GRIA1: variants seen among roughly 807,000 people sequenced by gnomAD.
GRIA1 encodes glutamate ionotropic receptor AMPA type subunit 1, also known as glutamate receptor 1.
Under a neutral mutation model 99.2 loss-of-function variants are expected in GRIA1, and 31 were observed. That is an observed-to-expected ratio of 0.31 (90% confidence interval 0.23 to 0.42). The LOEUF is 0.42. Among genes scored for constraint, GRIA1 ranks in the 10% least tolerant of loss-of-function variants. The pLI is 1.00. For missense variants in GRIA1, 782 were observed against 1,157.5 expected, an observed-to-expected ratio of 0.68 and a Z score of 4.71; for synonymous variants, 438 against 432.4, an observed-to-expected ratio of 1.01 and a Z score of -0.16.
intron 14 of GRIA1, among the ~76,000 whole-genome samples, chr5:153,796,113 T>C (rs866852880): frequency 2.0e-5 from 3 of 151,824 alleles, no homozygotes; most frequent in African/African-American, 7.3e-5. Flanking sequence ...CAAGGGCCAT[T>C]GAATTGGCCT....
chr5:153,589,579 T>C (rs554330929), intron 2 of GRIA1, among the ~76,000 whole-genome samples: 20 of 152,276 alleles, frequency 1.3e-4, no homozygotes, highest in African/African-American at 4.3e-4. Context: ...ATGTGCTCGC[T>C]TGTTTGTCTG....
chr5:153,722,964 T>C (rs1178312547), intron 11 of GRIA1, among the ~76,000 whole-genome samples: 1 of 152,162 alleles, frequency 6.6e-6, no homozygotes, highest in Non-Finnish European at 1.5e-5. Flanking sequence ...TGGGTAAAGC[T>C]CAGGATCAGG....
chr5:153,593,370 G>A (rs1358977271), intron 2 of GRIA1, among the ~76,000 whole-genome samples: 1 of 152,050 alleles, frequency 6.6e-6, no homozygotes, highest in African/African-American at 2.4e-5. Context: ...TTTGTGTAGG[G>A]GGCACAAACA....
chr5:153,623,219 T>G (rs1310108403), intron 2 of GRIA1, among the ~76,000 whole-genome samples: 1 of 151,874 alleles, frequency 6.6e-6, no homozygotes, highest in African/African-American at 2.4e-5. Context: ...TGGGCTCAAT[T>G]GGAAAAAAAA....
intron 2 of GRIA1, among the ~76,000 whole-genome samples, chr5:153,626,814 G>A (rs115617551): frequency 0.024 from 3,728 of 152,228 alleles, 63 homozygotes; most frequent in Non-Finnish European, 0.037. Flanking sequence ...AAGGGATGCA[G>A]CGTGGTTAAA....
intron 5 of GRIA1, among the ~76,000 whole-genome samples, chr5:153,673,050 A>G (rs1339102574): frequency 6.6e-6 from 1 of 152,176 alleles, no homozygotes; most frequent in Admixed American, 6.5e-5. Flanking sequence ...ACAAGGCTCT[A>G]TGTGACCAGC....
chr5:153,500,363 A>G (rs1007005499), intron 2 of GRIA1, among the ~76,000 whole-genome samples: 2 of 152,182 alleles, frequency 1.3e-5, no homozygotes, highest in Non-Finnish European at 2.9e-5. Flanking sequence ...CTTTGTAGAC[A>G]GCATTAGTTG....
At chr5:153,523,302 T>C (rs1757314906) in intron 2 of GRIA1, among the ~76,000 whole-genome samples, 1 of 152,208 alleles carries the variant, frequency 6.6e-6, no homozygotes, top group African/African-American at 2.4e-5. Flanking sequence ...CTTGATATTC[T>C]TCATTCTTAT....
intron 11 of GRIA1, among the ~76,000 whole-genome samples, chr5:153,711,431 A>G (rs1322011311): frequency 2.0e-5 from 3 of 152,144 alleles, no homozygotes; most frequent in African/African-American, 7.2e-5. Flanking sequence ...GATTGGATCT[A>G]TGAGGATGAG....
intron 6 of GRIA1, among the ~76,000 whole-genome samples, chr5:153,675,289 T>C (rs1756491033): frequency 6.6e-6 from 1 of 152,050 alleles, no homozygotes; most frequent in Admixed American, 6.5e-5. Flanking sequence ...GCCCTTATTC[T>C]GCTCAGCCAT....
At chr5:153,639,741 C>A (rs1303075516) in intron 2 of GRIA1, among the ~76,000 whole-genome samples, 2 of 152,324 alleles carry the variant, frequency 1.3e-5, no homozygotes, top group East Asian at 1.9e-4. Context: ...ATACCCCTAG[C>A]ACCAGCTTGC....
chr5:153,684,001 A>G (rs914288777), intron 7 of GRIA1, among the ~76,000 whole-genome samples: 1 of 152,210 alleles, frequency 6.6e-6, no homozygotes, highest in Non-Finnish European at 1.5e-5. Flanking sequence ...GAAGCCTAGC[A>G]CAATAGCACT....
intron 12 of GRIA1, among the ~76,000 whole-genome samples, chr5:153,768,012 C>T (rs936810854): frequency 6.6e-6 from 1 of 152,188 alleles, no homozygotes; most frequent in African/African-American, 2.4e-5. Flanking sequence ...CTCTGCCTGT[C>T]AACAGCCCAG....
chr5:153,494,113 T>A (rs1241978041), intron 2 of GRIA1, 48 bp downstream of exon 2: 7 of 1,587,034 alleles, frequency 4.4e-6, no homozygotes, highest in Non-Finnish European at 5.2e-6. Context: ...GCTAGACCAA[T>A]GAAAGGAGGG....
intron 4 of GRIA1, among the ~76,000 whole-genome samples, chr5:153,651,445 AT>A (rs1754569919): frequency 1.3e-5 from 2 of 151,920 alleles, no homozygotes; most frequent in South Asian, 4.1e-4. Flanking sequence ...AATTAGCAGG[AT>A]TTTTTGTAGA....
At chr5:153,747,120 AAAGAG>A (rs1762209611) in intron 11 of GRIA1, among the ~76,000 whole-genome samples, 1 of 152,228 alleles carries the variant, frequency 6.6e-6, no homozygotes, top group African/African-American at 2.4e-5. Flanking sequence ...TTCCTAAAGA[AAAGAG>A]GTTTATTTGG....
At chr5:153,782,001 A>G (rs1184689051) in intron 13 of GRIA1, among the ~76,000 whole-genome samples, 1 of 152,186 alleles carries the variant, frequency 6.6e-6, no homozygotes, top group Admixed American at 6.5e-5. Context: ...TCTCATTTTT[A>G]ATAGAGTCAT....
intron 2 of GRIA1, among the ~76,000 whole-genome samples, chr5:153,499,631 A>C (rs928713512): frequency 2.7e-5 from 4 of 150,888 alleles, no homozygotes; most frequent in South Asian, 2.1e-4. Flanking sequence ...AAAAAAAAAA[A>C]AAAAAAAAAC....
intron 5 of GRIA1, among the ~76,000 whole-genome samples, chr5:153,662,318 G>T (rs80163392): frequency 0.045 from 6,790 of 152,284 alleles, 169 homozygotes; most frequent in Middle Eastern, 0.088. Context: ...AGAAGCATGA[G>T]GCTGAACTTT....
Sources: gnomAD v4.1 joint callset for allele counts (sites outside exome capture counted in the v4.1 genomes callset) on GRCh38, gnomAD v4.1.1 for gene constraint, MANE v1.5 for transcripts, NCBI Gene and HGNC (gene_info 2026-07-23, HGNC 2026-07-21) for gene names.